Variants in FAM117B observed in about 807,000 individuals in gnomAD.
FAM117B encodes the protein protein FAM117B.
A neutral mutation model predicts 52.8 loss-of-function variants in FAM117B; 22 were observed. That is an observed-to-expected ratio of 0.42 (90% CI 0.30 to 0.59). The LOEUF (loss-of-function observed/expected upper bound fraction) is 0.59. Among genes scored for constraint, FAM117B ranks in the 20% least tolerant of loss-of-function variants. FAM117B has a pLI of 0.22. For synonymous variants in FAM117B, 309 were observed against 324.1 expected, an observed-to-expected ratio of 0.95 and a Z score of 0.50; for missense variants, 678 against 802.6, an observed-to-expected ratio of 0.84 and a Z score of 1.88.
chr2:202,731,491 C>T (rs942326319), intron 4 of FAM117B, among the ~76,000 whole-genome samples: 1 of 150,926 alleles, frequency 6.6e-6, no homozygotes, highest in Non-Finnish European at 1.5e-5. Context: ...AGTGCAGTGG[C>T]GCGACCTTGG....
intron 7 of FAM117B, among the ~76,000 whole-genome samples, chr2:202,763,659 T>C (rs550579538): frequency 2.0e-5 from 3 of 152,328 alleles, no homozygotes; most frequent in East Asian, 1.9e-4. Flanking sequence ...TATCCAAATA[T>C]ACTTGTGGCA....
chr2:202,683,163 GCTAA>G (rs1238801876), intron 1 of FAM117B, among the ~76,000 whole-genome samples: 1 of 151,936 alleles, frequency 6.6e-6, no homozygotes, highest in African/African-American at 2.4e-5. Context: ...CCCCATCTCT[GCTAA>G]AAACACAAAA....
intron 1 of FAM117B, among the ~76,000 whole-genome samples, chr2:202,656,789 A>C (rs1690063187): frequency 6.6e-6 from 1 of 152,164 alleles, no homozygotes; most frequent in South Asian, 2.1e-4. Context: ...AGGAGTGTTG[A>C]ATCTCCAAAT....
At chr2:202,702,916 C>T (rs187422439) in intron 2 of FAM117B, among the ~76,000 whole-genome samples, 166 of 152,180 alleles carry the variant, frequency 1.1e-3, no homozygotes, top group African/African-American at 3.7e-3. Context: ...AATGTTATTG[C>T]ACACTTAATA....
At chr2:202,674,710 T>C (rs917709067) in intron 1 of FAM117B, among the ~76,000 whole-genome samples, 1 of 152,208 alleles carries the variant, frequency 6.6e-6, no homozygotes, top group Non-Finnish European at 1.5e-5. Flanking sequence ...TGTCCAGAAA[T>C]TTCTTCTAAA....
At chr2:202,675,083 A>C (rs1302557366) in intron 1 of FAM117B, among the ~76,000 whole-genome samples, 1 of 151,752 alleles carries the variant, frequency 6.6e-6, no homozygotes, top group African/African-American at 2.4e-5. Context: ...AAAATTTAAA[A>C]ATTAGCCCAG....
intron 1 of FAM117B, among the ~76,000 whole-genome samples, chr2:202,642,381 G>T (rs1271720854): frequency 6.9e-6 from 1 of 145,604 alleles, no homozygotes; most frequent in Non-Finnish European, 1.5e-5. Context: ...AGTAGAGTGT[G>T]ACTTGAGATA....
At chr2:202,640,266 C>T (rs776457499) in intron 1 of FAM117B, among the ~76,000 whole-genome samples, 7 of 123,284 alleles carry the variant, frequency 5.7e-5, no homozygotes, top group South Asian at 2.7e-4. Context: ...AGCAAAACTC[C>T]GTCACAACAA....
At position 202,699,295 on chromosome 2, in the gene FAM117B, C is replaced by T. The variant is rs554286338; in HGVS notation, c.753+3263C>T. On this transcript the variant is annotated intron_variant, in intron 2 of 7. Coordinates refer to ENST00000392238, the MANE Select transcript of FAM117B (RefSeq NM_173511.4). The stretch of plus-strand genomic sequence containing the variant: ...TACAAAAATTAGCCAGGCGTGGTGG[C>T]GTGCACCTGTAGTCCCAGCTACTCG... 3.0e-4 allele frequency among the ~76,000 whole-genome samples: 45 copies of T among 151,120 alleles called. 1 individual carries two copies. The highest frequency in any genetic ancestry group is 9.5e-4 in the African/African-American group (39 of 41,186).
At chr2:202,710,811 A>G (rs554899009) in intron 2 of FAM117B, among the ~76,000 whole-genome samples, 1 of 152,230 alleles carries the variant, frequency 6.6e-6, no homozygotes, top group Admixed American at 6.5e-5. Context: ...GAACCTGCAA[A>G]GTTTGTCTTT....
At chr2:202,657,770 C>G (rs1690074099) in intron 1 of FAM117B, among the ~76,000 whole-genome samples, 1 of 152,130 alleles carries the variant, frequency 6.6e-6, no homozygotes, top group Admixed American at 6.5e-5. Flanking sequence ...AGGTGTAAGC[C>G]ACCTCACCTG....
chr2:202,698,400 T>C (rs1690746407), intron 2 of FAM117B, among the ~76,000 whole-genome samples: 1 of 152,206 alleles, frequency 6.6e-6, no homozygotes, highest in African/African-American at 2.4e-5. Flanking sequence ...TCATCAAAAG[T>C]AATGAATCTT....
At chr2:202,700,392 A>G (rs1417022131) in intron 2 of FAM117B, among the ~76,000 whole-genome samples, 2 of 152,236 alleles carry the variant, frequency 1.3e-5, no homozygotes, top group African/African-American at 2.4e-5. Flanking sequence ...ATATGGAAAA[A>G]GTTTTAGTGA....
At chr2:202,680,751 C>T (rs1208573079) in intron 1 of FAM117B, among the ~76,000 whole-genome samples, 1 of 151,916 alleles carries the variant, frequency 6.6e-6, no homozygotes, top group Non-Finnish European at 1.5e-5. Flanking sequence ...AATTTTATAC[C>T]CAGCAAAAAA....
intron 3 of FAM117B, 141 bp from the exon 4 acceptor site, chr2:202,726,104 ATGAAC>A: frequency 8.6e-6 from 5 of 579,926 alleles, no homozygotes; most frequent in Non-Finnish European, 1.6e-5. Context: ...GTATAAAATT[ATGAAC>A]AAAAAATGAG....
In FAM117B at chr2:202,765,884, G is replaced by C; in HGVS notation, c.*120G>C. On this transcript the variant is annotated 3_prime_UTR_variant, in exon 8 of 8. Transcript: ENST00000392238. ...GTGCTCCAGCTTTCCAGTGACATGT[G>C]ACGGCGAGGCTTCTGGAAGAAAGGA... The C allele has an allele frequency of 9.4e-7, 1 of 1,065,052 alleles. No individual in the cohort carries two copies. Among genetic ancestry groups the C allele is most frequent in the Non-Finnish European group, 1.3e-6 (1 of 749,540 alleles). 66.0% of individuals were successfully genotyped at this position (1,065,052 alleles called of 1,614,324 possible). A position where few individuals can be genotyped will look rare whatever the true frequency, so the allele number is the denominator to read the frequency against.
At chr2:202,676,568 C>CG (rs533321503) in intron 1 of FAM117B, among the ~76,000 whole-genome samples, 1 of 151,928 alleles carries the variant, frequency 6.6e-6, no homozygotes, top group South Asian at 2.1e-4. Flanking sequence ...TTAGTAGAGA[C>CG]GGGGTTTCAC....
At chr2:202,710,989 G>T (rs1449929690) in intron 2 of FAM117B, among the ~76,000 whole-genome samples, 1 of 151,960 alleles carries the variant, frequency 6.6e-6, no homozygotes, top group East Asian at 1.9e-4. Context: ...TCCAAATCTT[G>T]GCTATTGGGA....
intron 1 of FAM117B, among the ~76,000 whole-genome samples, chr2:202,674,081 C>A (rs1690341898): frequency 6.6e-6 from 1 of 152,088 alleles, no homozygotes; most frequent in Non-Finnish European, 1.5e-5. Flanking sequence ...GTACTTACTT[C>A]TTCTGTTTCA....
Sources: gnomAD v4.1 joint callset for allele counts (sites outside exome capture counted in the v4.1 genomes callset) on GRCh38, gnomAD v4.1.1 for gene constraint, MANE v1.5 for transcripts, NCBI Gene and HGNC (gene_info 2026-07-23, HGNC 2026-07-21) for gene names.